CNTNAP2: variants seen among roughly 807,000 people sequenced by gnomAD.
CNTNAP2 encodes the protein contactin associated protein 2.
Under a neutral mutation model 155.2 loss-of-function variants are expected in CNTNAP2, and 98 were observed. That is an observed-to-expected ratio of 0.63 (90% CI 0.54 to 0.75). The LOEUF (loss-of-function observed/expected upper bound fraction) is 0.75. CNTNAP2 is among the 30% of genes least tolerant of loss of function. The probability of loss-of-function intolerance (pLI) is 0.00; values close to 1 mark genes in which losing one functional copy is unlikely to be tolerated. For missense variants in CNTNAP2, 1,727 were observed against 1,688.1 expected, an observed-to-expected ratio of 1.02 and a Z score of -0.40; for synonymous variants, 651 against 631.2, an observed-to-expected ratio of 1.03 and a Z score of -0.47.
intron 13 of CNTNAP2, among the ~76,000 whole-genome samples, chr7:147,716,276 T>C (rs1796480235): frequency 6.6e-6 from 1 of 152,118 alleles, no homozygotes; most frequent in South Asian, 2.1e-4. Flanking sequence ...CAGAGTGAGG[T>C]TAACAGTGAA....
In CNTNAP2 at chr7:148,225,430, G is replaced by C. The variant is rs186348269; in HGVS notation, c.3248-4216G>C. ...AACAGAAGAACCGGTGACTGCAAAG[G>C]CCCTTGGGTAGGAACAGGAAGCCAA... is the stretch of plus-strand genomic sequence containing the variant. On this transcript the variant is annotated intron_variant, in intron 19 of 23. Transcript: ENST00000361727. Among the ~76,000 whole-genome samples, 4 of 152,164 alleles carry C rather than the reference G, an allele frequency of 2.6e-5. No individual in the cohort carries two copies. The South Asian group carries it at 8.3e-4, about 32-fold the overall frequency.
At chr7:147,548,768 T>C (rs1799792345) in intron 11 of CNTNAP2, among the ~76,000 whole-genome samples, 1 of 152,194 alleles carries the variant, frequency 6.6e-6, no homozygotes, top group African/African-American at 2.4e-5. Flanking sequence ...TAGTCCATCT[T>C]GAGATAATTC....
At chr7:147,073,400 G>A (rs796879413) in intron 4 of CNTNAP2, among the ~76,000 whole-genome samples, 19 of 151,708 alleles carry the variant, frequency 1.3e-4, no homozygotes, top group Admixed American at 7.2e-4. Context: ...TGTTGAATCC[G>A]AAGTGCCTTT....
chr7:147,104,305 G>A, intron 4 of CNTNAP2, among the ~76,000 whole-genome samples: 1 of 152,046 alleles, frequency 6.6e-6, no homozygotes, highest in Non-Finnish European at 1.5e-5. Context: ...TACATTTTTA[G>A]CTAATCAAAA....
At chr7:147,820,664 G>T (rs1289252803) in intron 13 of CNTNAP2, among the ~76,000 whole-genome samples, 1 of 151,950 alleles carries the variant, frequency 6.6e-6, no homozygotes, top group African/African-American at 2.4e-5. Flanking sequence ...ATTTGTTACT[G>T]ATCAATTTCA....
chr7:148,342,640 T>G (rs1798255971), intron 21 of CNTNAP2, among the ~76,000 whole-genome samples: 1 of 152,232 alleles, frequency 6.6e-6, no homozygotes, highest in Non-Finnish European at 1.5e-5. Flanking sequence ...TATTTCTTAT[T>G]CCTTTGAAAT....
chr7:147,784,523 A>C (rs1269477451), intron 13 of CNTNAP2, among the ~76,000 whole-genome samples: 1 of 63,810 alleles, frequency 1.6e-5, no homozygotes, highest in African/African-American at 9.1e-5. Context: ...ATATATATAT[A>C]TATATATATA....
chr7:146,491,206 C>T (rs10480365), intron 1 of CNTNAP2, among the ~76,000 whole-genome samples: 25,634 of 152,034 alleles, frequency 0.17, 2,833 homozygotes, highest in African/African-American at 0.32. Flanking sequence ...TACAAGAACA[C>T]TTCAGTGGCA....
intron 1 of CNTNAP2, among the ~76,000 whole-genome samples, chr7:146,163,122 G>A (rs535039765): frequency 1.3e-5 from 2 of 152,056 alleles, no homozygotes; most frequent in African/African-American, 2.4e-5. Context: ...AAACCTGCAC[G>A]TTGTGCACAT....
chr7:147,914,961 T>C (rs1006024812), intron 14 of CNTNAP2, among the ~76,000 whole-genome samples: 10 of 152,214 alleles, frequency 6.6e-5, no homozygotes, highest in African/African-American at 2.4e-4. Context: ...ATGTAGGACT[T>C]TATGGAGGAC....
intron 9 of CNTNAP2, among the ~76,000 whole-genome samples, chr7:147,327,912 A>T (rs938446722): frequency 4.6e-5 from 7 of 152,166 alleles, no homozygotes; most frequent in African/African-American, 1.7e-4. Flanking sequence ...ATCAGCCACC[A>T]ATACCTTAGC....
At chr7:146,427,984 C>T (rs1175600423) in intron 1 of CNTNAP2, among the ~76,000 whole-genome samples, 1 of 152,160 alleles carries the variant, frequency 6.6e-6, no homozygotes, top group Non-Finnish European at 1.5e-5. Context: ...TGCGTGAGAA[C>T]ATGTGGTATT....
At chr7:147,486,567 G>A (rs191437196) in intron 11 of CNTNAP2, among the ~76,000 whole-genome samples, 118 of 151,754 alleles carry the variant, frequency 7.8e-4, no homozygotes, top group Non-Finnish European at 1.5e-3. Context: ...TACATAAGAA[G>A]GTAATAAAAT....
chr7:148,122,521 G>A lies in CNTNAP2; in HGVS notation c.2554+4233G>A, dbSNP rs1804621035. 3.3e-5 allele frequency among the ~76,000 whole-genome samples: 5 copies of A among 152,140 alleles called. No individual in the cohort carries two copies. In the South Asian group the frequency reaches 1.0e-3, roughly 32 times the overall value. On this transcript the variant is annotated intron_variant, in intron 16 of 23. Transcript: ENST00000361727. ...GAGACTGAACCGAAGGACCCAGGAG[G>A]GGACAGGTGCAGTGGGGAGGGGCAG...
intron 1 of CNTNAP2, among the ~76,000 whole-genome samples, chr7:146,317,732 G>A (rs1210482722): frequency 6.6e-6 from 1 of 152,228 alleles, no homozygotes; most frequent in Admixed American, 6.5e-5. Context: ...TTGGCAGAAA[G>A]AATACGCAGA....
chr7:148,117,221 G>A (rs918521512), intron 15 of CNTNAP2, among the ~76,000 whole-genome samples: 2 of 152,184 alleles, frequency 1.3e-5, no homozygotes, highest in African/African-American at 4.8e-5. Flanking sequence ...TCTTCTCCAA[G>A]AGCTCAAGGA....
At chr7:147,281,677 A>C (rs1805038421) in intron 8 of CNTNAP2, among the ~76,000 whole-genome samples, 1 of 152,014 alleles carries the variant, frequency 6.6e-6, no homozygotes, top group African/African-American at 2.4e-5. Flanking sequence ...AAATATATTC[A>C]TGAATATATT....
At chr7:146,258,229 T>C (rs1799868696) in intron 1 of CNTNAP2, among the ~76,000 whole-genome samples, 1 of 152,174 alleles carries the variant, frequency 6.6e-6, no homozygotes, top group East Asian at 1.9e-4. Context: ...ATTAAAGAAT[T>C]ATTGAGAAGT....
chr7:146,336,970 C>T (rs563316675), intron 1 of CNTNAP2, among the ~76,000 whole-genome samples: 3 of 152,198 alleles, frequency 2.0e-5, no homozygotes, highest in African/African-American at 7.2e-5. Context: ...TGAGATGGAA[C>T]AGTTTTGCAT....
Sources: allele counts gnomAD v4.1 joint callset (sites outside exome capture counted in the v4.1 genomes callset), GRCh38; gene constraint gnomAD v4.1.1; transcripts MANE v1.5; gene names NCBI Gene and HGNC (gene_info 2026-07-23, HGNC 2026-07-21).